MICU2: variants seen among roughly 807,000 people sequenced by gnomAD.
MICU2 encodes the protein mitochondrial calcium uptake 2, also known as calcium uptake protein 2, mitochondrial.
In MICU2, 64 loss-of-function variants were observed where a neutral mutation model predicts 60.4. The observed-to-expected ratio is 1.06, with a 90% CI of 0.87 to 1.31. The LOEUF (loss-of-function observed/expected upper bound fraction) is 1.31. Among genes scored for constraint, MICU2 ranks in the 50% most tolerant of loss-of-function variants. The probability of loss-of-function intolerance (pLI) is 0.00; values close to 1 mark genes in which losing one functional copy is unlikely to be tolerated. For synonymous variants in MICU2, 201 were observed against 175.0 expected (o/e 1.15, Z -1.17); for missense variants, 569 against 531.0 (o/e 1.07, Z -0.70).
chr13:21,520,544 C>T (rs1886691142), intron 6 of MICU2, among the ~76,000 whole-genome samples: 1 of 152,142 alleles, frequency 6.6e-6, no homozygotes, highest in African/African-American at 2.4e-5. Context: ...ATGTGCTAAG[C>T]ACTATGCCAT....
chr13:21,542,742 T>C (rs965525553), intron 2 of MICU2, among the ~76,000 whole-genome samples: 2 of 152,178 alleles, frequency 1.3e-5, no homozygotes, highest in African/African-American at 4.8e-5. Context: ...TCCACCCATA[T>C]TAGAGATTCC....
intron 2 of MICU2, among the ~76,000 whole-genome samples, chr13:21,560,864 T>A (rs1887824351): frequency 6.6e-6 from 1 of 152,242 alleles, no homozygotes; most frequent in South Asian, 2.1e-4. Flanking sequence ...GACTATATTA[T>A]ATTGATTTGA....
intron 4 of MICU2, 68 bp from the exon 5 acceptor site, chr13:21,522,718 T>C (rs891775470): frequency 1.3e-5 from 15 of 1,176,142 alleles, no homozygotes; most frequent in South Asian, 1.2e-4. Context: ...GACATTAACA[T>C]TGAAATTTCA....
intron 2 of MICU2, among the ~76,000 whole-genome samples, chr13:21,542,588 G>T (rs1887310935): frequency 6.6e-6 from 1 of 152,218 alleles, no homozygotes; most frequent in East Asian, 1.9e-4. Flanking sequence ...CAGGAAAAAA[G>T]ATCTAGAATT....
intron 4 of MICU2, chr13:21,531,384 A>G: frequency 8.8e-7 from 1 of 1,137,816 alleles, no homozygotes; most frequent in Non-Finnish European, 1.3e-6. Flanking sequence ...ACCCTGCAGG[A>G]GTTTAAAACG....
chr13:21,509,554 G>C lies in MICU2; in HGVS notation c.761+450C>G, dbSNP rs561405230. Reference sequence around the variant, plus strand: ...TGAGACCATCTTAGAAAAGCCAGCAGCCAGCAAACCCATCAGCAGACTGCA... The same window carrying C: ...TGAGACCATCTTAGAAAAGCCAGCACCCAGCAAACCCATCAGCAGACTGCA... On this transcript the variant is annotated intron_variant, in intron 8 of 11. Transcript: ENST00000382374. 1.0e-4 allele frequency among the ~76,000 whole-genome samples: 15 copies of C among 144,716 alleles called. No homozygotes were observed. The South Asian group carries it at 1.5e-3, about 14-fold the overall frequency. The allele number at this position is 144,716 out of a possible 152,430, so 94.9% of individuals were successfully genotyped here. A position where few individuals can be genotyped will look rare whatever the true frequency, so the allele number is the denominator to read the frequency against.
intron 8 of MICU2, 84 bp from the exon 9 acceptor site, chr13:21,503,181 C>A: frequency 1.1e-6 from 1 of 937,420 alleles, no homozygotes; most frequent in Non-Finnish European, 1.6e-6. Flanking sequence ...AGTACCTTCA[C>A]TATTACCTAC....
At chr13:21,512,318 G>T (rs915382246) in intron 7 of MICU2, among the ~76,000 whole-genome samples, 4 of 152,082 alleles carry the variant, frequency 2.6e-5, no homozygotes, top group African/African-American at 9.7e-5. Context: ...TGGTTAAATT[G>T]TAAGAAGAGT....
At chr13:21,592,097 A>C (rs1888597292) in intron 1 of MICU2, among the ~76,000 whole-genome samples, 1 of 152,098 alleles carries the variant, frequency 6.6e-6, no homozygotes. Context: ...TTTGAAAAAA[A>C]ATTAACAAAA....
Position 21,548,921 on chromosome 13 carries a change from G to GTTT in MICU2, c.359-9236_359-9234dup, listed in dbSNP as rs34908034. On this transcript the variant is annotated intron_variant, in intron 2 of 11. Transcript: ENST00000382374. Reference sequence around the variant, plus strand: ...GGGAGGAGAGAAGACAAGTTTGAGAGTTTTTTTTTTTTTTTTTTTTTTTGG... The same window carrying GTTT: ...GGGAGGAGAGAAGACAAGTTTGAGAGTTTTTTTTTTTTTTTTTTTTTTTTTTGG... 1.5e-3 allele frequency among the ~76,000 whole-genome samples: 132 copies of GTTT among 86,276 alleles called. 2 individuals are homozygous for GTTT. The highest frequency in any genetic ancestry group is 8.2e-3 in the Middle Eastern group (1 of 122). The allele number at this position is 86,276 out of a possible 152,430, so 56.6% of individuals were successfully genotyped here.
At chr13:21,584,771 CT>C in intron 1 of MICU2, among the ~76,000 whole-genome samples, 1 of 152,184 alleles carries the variant, frequency 6.6e-6, no homozygotes, top group South Asian at 2.1e-4. Flanking sequence ...ATATTTACTG[CT>C]TTTTAAACTA....
At chr13:21,551,965 G>C (rs1236790073) in intron 2 of MICU2, among the ~76,000 whole-genome samples, 1 of 151,968 alleles carries the variant, frequency 6.6e-6, no homozygotes, top group Non-Finnish European at 1.5e-5. Context: ...GGGATGGCTG[G>C]GTCAAATGGT....
chr13:21,595,581 C>G (rs1340031370), intron 1 of MICU2, among the ~76,000 whole-genome samples: 1 of 152,264 alleles, frequency 6.6e-6, no homozygotes, highest in African/African-American at 2.4e-5. Flanking sequence ...CTCCAGGGCA[C>G]CACCTCTGTG....
At chr13:21,538,818 C>G (rs924427416) in intron 4 of MICU2, among the ~76,000 whole-genome samples, 16 of 152,066 alleles carry the variant, frequency 1.1e-4, no homozygotes, top group African/African-American at 2.9e-4. Flanking sequence ...AACAAGGCAC[C>G]ACTGTACTTG....
At chr13:21,600,793 C>CTATTATTATTATTAT (rs10622847) in intron 1 of MICU2, among the ~76,000 whole-genome samples, 49 of 150,884 alleles carry the variant, frequency 3.2e-4, no homozygotes, top group South Asian at 1.5e-3. Context: ...GACATATTCA[C>CTATTATTATTATTAT]TATTATTATT....
chr13:21,540,442 T>C lies in MICU2; in HGVS notation c.359-754A>G, dbSNP rs549794087. Reference sequence around the variant, plus strand: ...ACTTATTGCTCTCAAAATTATCTTGTCTATGAAGTTCCTTCAGCACAATTA... The same window carrying C: ...ACTTATTGCTCTCAAAATTATCTTGCCTATGAAGTTCCTTCAGCACAATTA... On this transcript the variant is annotated intron_variant, in intron 2 of 11. Coordinates refer to ENST00000382374, the MANE Select transcript of MICU2 (RefSeq NM_152726.3). 1.6e-4 allele frequency among the ~76,000 whole-genome samples: 24 copies of C among 152,326 alleles called. 1 individual carries two copies. In the South Asian group the frequency reaches 4.8e-3, roughly 30 times the overall value.
At chr13:21,530,734 A>G in intron 4 of MICU2, 2 of 494,236 alleles carry the variant, frequency 4.0e-6, no homozygotes, top group Non-Finnish European at 7.3e-6. Context: ...GCGAGCCCAG[A>G]CAGCCAGAGC....
intron 1 of MICU2, among the ~76,000 whole-genome samples, chr13:21,570,263 A>G (rs78649149): frequency 0.029 from 4,462 of 152,268 alleles, 204 homozygotes; most frequent in African/African-American, 0.1. Flanking sequence ...ATGAACCAAC[A>G]TAGTTTTTTT....
chr13:21,523,588 A>G (rs996592422), intron 4 of MICU2, among the ~76,000 whole-genome samples: 5 of 152,244 alleles, frequency 3.3e-5, no homozygotes, highest in African/African-American at 1.2e-4. Context: ...TTTGGGTAGG[A>G]TGACCCTACC....
Sources: allele counts gnomAD v4.1 joint callset (sites outside exome capture counted in the v4.1 genomes callset), GRCh38; gene constraint gnomAD v4.1.1; transcripts MANE v1.5; gene names NCBI Gene and HGNC (gene_info 2026-07-23, HGNC 2026-07-21).